The following RHBG variants were observed in gnomAD, a reference collection of about 807,000 sequenced individuals.
RHBG encodes the protein Rh family B glycoprotein, also known as ammonium transporter Rh type B.
In RHBG, 39 loss-of-function variants were observed where a neutral mutation model predicts 40.1. That is an observed-to-expected ratio of 0.97 (90% confidence interval 0.75 to 1.27). The LOEUF is 1.27. RHBG is among the 50% of genes most tolerant of loss of function. The probability of loss-of-function intolerance (pLI) is 0.00; values close to 1 mark genes in which losing one functional copy is unlikely to be tolerated. For missense variants in RHBG, 549 were observed against 588.1 expected (o/e 0.93, Z 0.69); for synonymous variants, 237 against 252.5 (o/e 0.94, Z 0.58).
At position 156,378,238 on chromosome 1, in the gene RHBG, C is replaced by T; in HGVS notation, c.526-14C>T. On this transcript the variant is annotated splice_polypyrimidine_tract_variant and intron_variant, in intron 3 of 9. Transcript: ENST00000537040. ...GGTGGGGGCGGGGTGCTGCCTCTCA[C>T]CCCACCTCCCCAGGTGAGAGATGCC... The T allele has an allele frequency of 6.2e-7, 1 of 1,613,332 alleles. No homozygotes were observed. Among genetic ancestry groups the T allele is most frequent in the Non-Finnish European group, 8.5e-7 (1 of 1,179,784 alleles).
chr1:156,377,484 A>G lies in RHBG; in HGVS notation c.371A>G (p.Glu124Gly), dbSNP rs754187592. 1 of 1,603,060 alleles carries G rather than the reference A, an allele frequency of 6.2e-7. No homozygotes were observed. Among genetic ancestry groups the G allele is most frequent in the Non-Finnish European group, 8.5e-7 (1 of 1,171,032 alleles). The change falls in exon 2 of 10, where the codon GAG (glutamate) becomes GGG (glycine). Residue 124 changes from glutamate (E) to glycine (G), a missense_variant. Coordinates refer to ENST00000537040, the MANE Select transcript of RHBG (RefSeq NM_020407.5). The surrounding 1 kb of genome is among the most constrained non-coding windows in gnomAD (Gnocchi z 4.6). The stretch of plus-strand genomic sequence containing the variant: ...GGTGGCCACATCCATGTTGGCGTGG[A>G]GAGGTGGGCAGCCGCCACCCACCCA... ...FHGGHIHVGV[E>G]SMINADFCAG...
chr1:156,375,865 G>A lies in RHBG; in HGVS notation c.188-1436G>A, dbSNP rs571835398. Among the ~76,000 whole-genome samples the A allele has an allele frequency of 9.9e-5, 15 of 151,420 alleles. No individual in the cohort carries two copies. In the East Asian group the frequency reaches 1.6e-3, roughly 16 times the overall value. On this transcript the variant is annotated intron_variant, in intron 1 of 9. Transcript: ENST00000537040. ...AGTGATTCTCCTGTCTCAGCCTCCCGAGTAGCTGGGACTACAGGCACATGC... is the reference window on the plus strand; with the variant it reads ...AGTGATTCTCCTGTCTCAGCCTCCCAAGTAGCTGGGACTACAGGCACATGC...
intron 1 of RHBG, among the ~76,000 whole-genome samples, chr1:156,370,029 A>T (rs1333179420): frequency 2.0e-5 from 3 of 152,184 alleles, no homozygotes; most frequent in Non-Finnish European, 4.4e-5. Context: ...AGAGAAAATG[A>T]GGCAACTGGC....
At chr1:156,370,614 CAAAAAAAAA>C (rs59248542) in intron 1 of RHBG, among the ~76,000 whole-genome samples, 10 of 66,094 alleles carry the variant, frequency 1.5e-4, no homozygotes, top group East Asian at 8.6e-4. Flanking sequence ...GACTCTGTCT[CAAAAAAAAA>C]AAAAAAAAAA....
chr1:156,372,660 T>C (rs1666931550), intron 1 of RHBG, among the ~76,000 whole-genome samples: 1 of 152,138 alleles, frequency 6.6e-6, no homozygotes, highest in Non-Finnish European at 1.5e-5. Flanking sequence ...GTGGGGAAGT[T>C]GGGGGAGATG....
rs1246244981 is a variant in RHBG at position 156,384,562 on chromosome 1, C to CG, written c.1270_1271insG (p.Pro424ArgfsTer19). On this transcript the variant is annotated frameshift_variant, in exon 9 of 10. Transcript: ENST00000537040. LOFTEE classifies it high-confidence loss of function. The stretch of plus-strand genomic sequence containing the variant: ...GAAGCTACCCTTTCTGGACTCCCCC[C>CG]CAGACTCCCAGCACTACGAGGACCA... 138 of 1,600,370 alleles carry CG rather than the reference C, an allele frequency of 8.6e-5. No homozygotes were observed. The highest frequency in any genetic ancestry group is 9.7e-5 in the Non-Finnish European group (114 of 1,172,266).
At chr1:156,374,651 A>G (rs767391742) in intron 1 of RHBG, 7 of 414,976 alleles carry the variant, frequency 1.7e-5, no homozygotes, top group South Asian at 8.9e-5. Flanking sequence ...CAATGGCACA[A>G]TCTCGGCTCA....
At chr1:156,376,898 T>TA (rs957822547) in intron 1 of RHBG, among the ~76,000 whole-genome samples, 10 of 152,070 alleles carry the variant, frequency 6.6e-5, no homozygotes, top group African/African-American at 2.4e-4. Flanking sequence ...GGATGAAGGG[T>TA]AGATGTCAAG....
chr1:156,378,994 TTC>T (rs1311275678), intron 4 of RHBG, among the ~76,000 whole-genome samples: 2 of 150,040 alleles, frequency 1.3e-5, no homozygotes, highest in Admixed American at 6.7e-5. Context: ...CTGCTTCTTC[TTC>T]TTTTTTTTTT....
chr1:156,377,522 T>G lies in RHBG; in HGVS notation c.374+35T>G, dbSNP rs1295663730. 1 of 1,586,434 alleles carries G rather than the reference T, an allele frequency of 6.3e-7. No individual in the cohort carries two copies. Among genetic ancestry groups the G allele is most frequent in the Admixed American group, 1.7e-5 (1 of 59,056 alleles). On this transcript the variant is annotated intron_variant, in intron 2 of 9. Transcript: ENST00000537040. This position sits in a 1 kb window ranked among gnomAD's most constrained non-coding sequence, Gnocchi z 4.6. ...CGCCACCCACCCAGCTCCCCAAGGT[T>G]CACTCGGGAGGCCCCTGCCCATGGG...
chr1:156,383,969 G>A (rs1228962713), intron 8 of RHBG, among the ~76,000 whole-genome samples: 2 of 151,600 alleles, frequency 1.3e-5, no homozygotes, highest in Non-Finnish European at 2.9e-5. Context: ...AAGTATCTGG[G>A]ATTACAGGCG....
chr1:156,379,142 G>A (rs1004537640), intron 4 of RHBG, among the ~76,000 whole-genome samples: 2 of 151,814 alleles, frequency 1.3e-5, no homozygotes, highest in Non-Finnish European at 2.9e-5. Context: ...TTACAGGCGC[G>A]TGCCACCACA....
intron 1 of RHBG, among the ~76,000 whole-genome samples, chr1:156,376,484 C>T (rs1557798814): frequency 6.6e-6 from 1 of 152,014 alleles, no homozygotes; most frequent in Non-Finnish European, 1.5e-5. Flanking sequence ...GTCCCTCAAC[C>T]TCCCAAGCAG....
intron 4 of RHBG, among the ~76,000 whole-genome samples, chr1:156,379,641 C>T (rs1261747944): frequency 1.3e-5 from 2 of 152,184 alleles, no homozygotes; most frequent in Non-Finnish European, 2.9e-5. Flanking sequence ...TAGTGTCACC[C>T]AGACAGGAAT....
chr1:156,380,037 T>C (rs1280915054), intron 4 of RHBG, among the ~76,000 whole-genome samples: 1 of 152,146 alleles, frequency 6.6e-6, no homozygotes, highest in African/African-American at 2.4e-5. Flanking sequence ...ATTGTTTTCC[T>C]GATATGTGTA....
At position 156,382,807 on chromosome 1, in the gene RHBG, T is replaced by C; in HGVS notation, c.1172T>C (p.Met391Thr). ...CAGCGCAGTGCCACGTCACAGGCCATGCACCAGCTCTTCGGGCTGTTTGTC... is the reference window on the plus strand; with the variant it reads ...CAGCGCAGTGCCACGTCACAGGCCACGCACCAGCTCTTCGGGCTGTTTGTC... Reference protein sequence around the residue: ...EGQRSATSQAMHQLFGLFVTL... With the variant: ...EGQRSATSQATHQLFGLFVTL... The change falls in exon 8 of 10, where the codon ATG becomes ACG. Residue 391 changes from methionine (M) to threonine (T), a missense_variant. Met to Thr is a moderately conservative substitution (Grantham distance 81). Coordinates refer to ENST00000537040, the MANE Select transcript of RHBG (RefSeq NM_020407.5). The C allele has an allele frequency of 8.1e-6, 13 of 1,614,240 alleles. No individual in the cohort carries two copies. The highest frequency in any genetic ancestry group is 1.0e-5 in the Non-Finnish European group (12 of 1,180,038).
chr1:156,370,850 G>T (rs949612569), intron 1 of RHBG, among the ~76,000 whole-genome samples: 2 of 151,958 alleles, frequency 1.3e-5, no homozygotes, highest in African/African-American at 2.4e-5. Flanking sequence ...CAAGTCACCT[G>T]CCTGCTGACA....
chr1:156,378,422 G>T, intron 4 of RHBG, 23 bp downstream of exon 4: 1 of 1,571,998 alleles, frequency 6.4e-7, no homozygotes, highest in Non-Finnish European at 8.6e-7. Flanking sequence ...AGGTGCGGTA[G>T]CAGGGCAGGG....
chr1:156,369,870 C>A (rs1283032871), intron 1 of RHBG, among the ~76,000 whole-genome samples: 3 of 152,078 alleles, frequency 2.0e-5, no homozygotes, highest in African/African-American at 7.2e-5. Flanking sequence ...GAAAGAGAAT[C>A]CTGCTGGGCA....
Sources: allele counts gnomAD v4.1 joint callset (sites outside exome capture counted in the v4.1 genomes callset), GRCh38; gene constraint gnomAD v4.1.1; non-coding constraint Gnocchi (gnomAD v3.1); transcripts MANE v1.5; gene names NCBI Gene and HGNC (gene_info 2026-07-23, HGNC 2026-07-21).